The following PPP1R13B variants were observed in gnomAD, a reference collection of about 807,000 sequenced individuals.
PPP1R13B encodes the protein apoptosis-stimulating of p53 protein 1.
A neutral mutation model predicts 119.8 loss-of-function variants in PPP1R13B; 44 were observed. That is an observed-to-expected ratio of 0.37 (90% CI 0.29 to 0.47). PPP1R13B has a LOEUF of 0.47. Ranked by LOEUF, PPP1R13B falls within the 20% of genes least tolerant of loss-of-function variation. PPP1R13B has a pLI of 0.99. For synonymous variants in PPP1R13B, 542 were observed against 561.5 expected (o/e 0.97, Z 0.49); for missense variants, 1,227 against 1,413.5 (o/e 0.87, Z 2.12).
At position 103,740,339 on chromosome 14, in the gene PPP1R13B, C is replaced by A; in HGVS notation, c.2077G>T (p.Ala693Ser). The A allele has an allele frequency of 6.4e-7, 1 of 1,567,442 alleles. No homozygotes were observed. Among genetic ancestry groups the A allele is most frequent in the Non-Finnish European group, 8.6e-7 (1 of 1,156,514 alleles). ...LRYQSDADLE[A>S]LRRKLANAPR... ...GCGTTGGCCAGCTTCCTGCGGAGGG[C>A]CTCCAGGTCTGCATCACTCTGGTAG... Residue 693 changes from alanine (A) to serine (S), a missense_variant, in exon 12 of 17, where the codon GCC (alanine) becomes TCC (serine). Transcript: ENST00000202556. The surrounding 1 kb of genome is among the most constrained non-coding windows in gnomAD (Gnocchi z 4.6).
intron 1 of PPP1R13B, among the ~76,000 whole-genome samples, chr14:103,824,358 T>C (rs2086486367): frequency 6.7e-6 from 1 of 149,352 alleles, no homozygotes. Context: ...TTCTCTTTTT[T>C]AAGGCTATTT....
At chr14:103,751,061 G>A (rs2084531833) in intron 7 of PPP1R13B, among the ~76,000 whole-genome samples, 2 of 152,262 alleles carry the variant, frequency 1.3e-5, no homozygotes, top group Non-Finnish European at 2.9e-5. Context: ...GGCTGAGGCA[G>A]GAGAATCGCT....
At chr14:103,826,891 A>G (rs1259134272) in intron 1 of PPP1R13B, among the ~76,000 whole-genome samples, 3 of 151,886 alleles carry the variant, frequency 2.0e-5, no homozygotes, top group Admixed American at 2.0e-4. Context: ...AGGCGCCTGT[A>G]GTCCCAGCTA....
chr14:103,831,007 G>A (rs961797672), intron 1 of PPP1R13B, among the ~76,000 whole-genome samples: 2 of 148,860 alleles, frequency 1.3e-5, no homozygotes, highest in South Asian at 2.1e-4. Flanking sequence ...GCAACGGCAC[G>A]ATCTTGGCTC....
intron 1 of PPP1R13B, among the ~76,000 whole-genome samples, chr14:103,803,751 AGCATGTAATGACAAGAT>A (rs1349827635): frequency 6.6e-6 from 1 of 152,250 alleles, no homozygotes; most frequent in East Asian, 1.9e-4. Flanking sequence ...TAACAAATAT[AGCATGTAATGACAAGAT>A]GCCCTACTTA....
intron 4 of PPP1R13B, among the ~76,000 whole-genome samples, chr14:103,767,990 C>T (rs1033230869): frequency 4.6e-5 from 7 of 152,178 alleles, no homozygotes; most frequent in African/African-American, 1.7e-4. Context: ...GAGGAGACTT[C>T]AGGTGGCCTC....
At position 103,749,920 on chromosome 14, in the gene PPP1R13B, A is replaced by G; in HGVS notation, c.843T>C (p.Leu281=). ...LYQELQIRNQ[L]NQEQNSKLQQ... is the part of the protein sequence containing the mutation. ...GAAGTTTTGAATTTTGTTCCTGGTT[A>G]AGTTGGTTACGAATCTACAAACCAC... The change falls in exon 8 of 17, where the codon CTT becomes CTC. Residue 281 remains leucine (L), a synonymous_variant. Coordinates refer to ENST00000202556, the MANE Select transcript of PPP1R13B (RefSeq NM_015316.3). The G allele has an allele frequency of 6.2e-7, 1 of 1,613,756 alleles. No homozygotes were observed. The highest frequency in any genetic ancestry group is 8.5e-7 in the Non-Finnish European group (1 of 1,179,950).
intron 9 of PPP1R13B, among the ~76,000 whole-genome samples, chr14:103,743,061 C>T (rs1430441281): frequency 6.6e-6 from 1 of 152,318 alleles, no homozygotes. Context: ...ACGCCCAAAT[C>T]GCCTCAAGTG....
At chr14:103,818,416 C>G (rs2086328403) in intron 1 of PPP1R13B, 1 of 874,058 alleles carries the variant, frequency 1.1e-6, no homozygotes, top group African/African-American at 1.8e-5. Flanking sequence ...AATTTCTACT[C>G]TTGCAAACAA....
At chr14:103,815,024 G>A (rs528830786) in intron 1 of PPP1R13B, among the ~76,000 whole-genome samples, 1 of 152,148 alleles carries the variant, frequency 6.6e-6, no homozygotes, top group Non-Finnish European at 1.5e-5. Flanking sequence ...ATTCATAATA[G>A]CCAAAAAGTG....
At position 103,736,036 on chromosome 14, in the gene PPP1R13B, G is replaced by T. The variant is rs750675019; in HGVS notation, c.3198C>A (p.Asp1066Glu). Residue 1066 changes from aspartate (D) to glutamate (E), a missense_variant, in exon 16 of 17, where the codon GAC (aspartate) becomes GAA (glutamate). Asp to Glu is a conservative substitution (Grantham distance 45, BLOSUM62 2). Transcript: ENST00000202556. Reference sequence around the variant, plus strand: ...GGTTTTTGGGCACATAGCCCTCCCGGTCTCCAAGGCGAGCCCACCACCACT... The same window carrying T: ...GGTTTTTGGGCACATAGCCCTCCCGTTCTCCAAGGCGAGCCCACCACCACT... ...ETEWWWARLG[D>E]REGYVPKNLL... The T allele has an allele frequency of 7.2e-5, 116 of 1,614,044 alleles. No homozygotes were observed. The highest frequency in any genetic ancestry group is 1.7e-4 in the Admixed American group (10 of 60,008).
intron 4 of PPP1R13B, among the ~76,000 whole-genome samples, chr14:103,767,142 C>T (rs775690223): frequency 6.6e-6 from 1 of 151,982 alleles, no homozygotes; most frequent in African/African-American, 2.4e-5. Flanking sequence ...ATATGAGACA[C>T]CATCTCTACA....
chr14:103,784,568 G>A (rs557357827), intron 3 of PPP1R13B, among the ~76,000 whole-genome samples: 4 of 118,256 alleles, frequency 3.4e-5, no homozygotes, highest in South Asian at 6.3e-4. Context: ...GGGCGACAGA[G>A]TGAGACTCTG....
At chr14:103,745,136 T>C (rs1251129383) in intron 9 of PPP1R13B, among the ~76,000 whole-genome samples, 1 of 152,198 alleles carries the variant, frequency 6.6e-6, no homozygotes, top group Non-Finnish European at 1.5e-5. Context: ...CCACACTTTA[T>C]GTGGCTGCTG....
rs1475726984 is a variant in PPP1R13B, at chr14:103,734,060, T to C, written c.*1094A>G. The C allele has an allele frequency of 6.2e-6, 1 of 161,340 alleles. No individual in the cohort carries two copies. The highest frequency in any genetic ancestry group is 1.4e-5 in the Non-Finnish European group (1 of 72,566). 10.0% of individuals were successfully genotyped at this position (161,340 alleles called of 1,614,324 possible). Reference sequence around the variant, plus strand: ...GAATGGTCTAGTCAAAAAATACTTTTGGTATATAAAAAGCCTGTACGTACA... The same window carrying C: ...GAATGGTCTAGTCAAAAAATACTTTCGGTATATAAAAAGCCTGTACGTACA... On this transcript the variant is annotated 3_prime_UTR_variant, in exon 17 of 17. Coordinates refer to ENST00000202556, the MANE Select transcript of PPP1R13B (RefSeq NM_015316.3).
intron 1 of PPP1R13B, among the ~76,000 whole-genome samples, chr14:103,824,681 C>T (rs1210651455): frequency 3.4e-5 from 5 of 148,682 alleles, no homozygotes; most frequent in South Asian, 2.1e-4. Flanking sequence ...GGCGACAGAG[C>T]GAGACTCCGC....
chr14:103,748,972 T>C (rs1402485536), intron 8 of PPP1R13B, among the ~76,000 whole-genome samples: 1 of 152,210 alleles, frequency 6.6e-6, no homozygotes, highest in African/African-American at 2.4e-5. Context: ...GTGTCTTTAT[T>C]AGGGAAAAGA....
Position 103,734,946 on chromosome 14 carries a change from T to G in PPP1R13B, c.*208A>C. The G allele has an allele frequency of 2.9e-6, 2 of 698,148 alleles. No individual in the cohort carries two copies. Among genetic ancestry groups the G allele is most frequent in the Non-Finnish European group, 5.2e-6 (2 of 384,126 alleles). The allele number at this position is 698,148 out of a possible 1,614,324, so 43.2% of individuals were successfully genotyped here. A position where few individuals can be genotyped will look rare whatever the true frequency, so the allele number is the denominator to read the frequency against. On this transcript the variant is annotated 3_prime_UTR_variant, in exon 17 of 17. Coordinates refer to ENST00000202556, the MANE Select transcript of PPP1R13B (RefSeq NM_015316.3). ...ATAGTAATTGGCAAAATTCAGTCCTTGGAGGCGAAAGTACCTCTCCCAGTT... is the reference window on the plus strand; with the variant it reads ...ATAGTAATTGGCAAAATTCAGTCCTGGGAGGCGAAAGTACCTCTCCCAGTT...
Position 103,740,595 on chromosome 14 carries a change from TG to T in PPP1R13B, c.1823-3del. ...AAGGTAAAACGGGCTTACCATACAC[TG>T]GGGAAGACACAAAGGACAGGCAATT... On this transcript the variant is annotated splice_polypyrimidine_tract_variant and splice_region_variant and intron_variant, in intron 11 of 16. Transcript: ENST00000202556. This position sits in a 1 kb window ranked among gnomAD's most constrained non-coding sequence, Gnocchi z 4.6. The T allele has an allele frequency of 6.6e-7, 1 of 1,508,430 alleles. No individual in the cohort carries two copies. The allele number at this position is 1,508,430 out of a possible 1,614,324, so 93.4% of individuals were successfully genotyped here.
Sources: allele counts gnomAD v4.1 joint callset (sites outside exome capture counted in the v4.1 genomes callset), GRCh38; gene constraint gnomAD v4.1.1; non-coding constraint Gnocchi (gnomAD v3.1); transcripts MANE v1.5; gene names NCBI Gene and HGNC (gene_info 2026-07-23, HGNC 2026-07-21).